FAT2: variants seen among roughly 807,000 people sequenced by gnomAD.
FAT2 encodes the protein protocadherin Fat 2.
Under a neutral mutation model 295.3 loss-of-function variants are expected in FAT2, and 150 were observed. That is an observed-to-expected ratio of 0.51 (90% CI 0.44 to 0.58). The LOEUF (loss-of-function observed/expected upper bound fraction) is 0.58. Among genes scored for constraint, FAT2 ranks in the 20% least tolerant of loss-of-function variants. The pLI is 0.00. For synonymous variants in FAT2, 2,026 were observed against 2,150.3 expected, an observed-to-expected ratio of 0.94 and a Z score of 1.60; for missense variants, 4,868 against 5,442.7, an observed-to-expected ratio of 0.89 and a Z score of 3.32.
intron 6 of FAT2, among the ~76,000 whole-genome samples, chr5:151,552,483 T>C (rs1247181952): frequency 6.6e-6 from 1 of 152,194 alleles, no homozygotes; most frequent in African/African-American, 2.4e-5. Context: ...ATGTGGGTGC[T>C]GAAACTCCTA....
At chr5:151,522,226 A>T in intron 18 of FAT2, 140 bp from the exon 19 acceptor site, 1 of 596,612 alleles carries the variant, frequency 1.7e-6, no homozygotes, top group Non-Finnish European at 2.8e-6. Context: ...TGTTGCATTT[A>T]GAAAAAAAAA....
chr5:151,545,623 G>A lies in FAT2; in HGVS notation c.5504C>T (p.Ser1835Phe), dbSNP rs751103723. 6.2e-7 allele frequency: 1 copy of A among 1,614,164 alleles called. No individual in the cohort carries two copies. The highest frequency in any genetic ancestry group is 1.7e-5 in the Admixed American group (1 of 60,020). ...ATGGACATAGACACAGAATTGGAAA[G>A]AGGGCATGCTCTCATAATCCATCTC... ...VSEMDYESMP[S>F]FQFCVYVHDQ... is the part of the protein sequence containing the mutation. The change falls in exon 10 of 24, where the codon TCT (serine) becomes TTT (phenylalanine). Residue 1835 changes from serine (S) to phenylalanine (F), a missense_variant. Physicochemically the swap from Ser to Phe is radical, Grantham distance 155. Around this residue, in one of 5 missense-constraint regions of FAT2, gnomAD observed 3,297 missense variants for 3,669.4 expected, o/e 0.90. Transcript: ENST00000261800.
At position 151,568,195 on chromosome 5, in the gene FAT2, A is replaced by T; in HGVS notation, c.737T>A (p.Val246Glu). Residue 246 changes from valine to glutamate, a missense_variant, in exon 2 of 24, where the codon GTG becomes GAG. Around this residue, in one of 5 missense-constraint regions of FAT2, gnomAD observed 3,297 missense variants for 3,669.4 expected, o/e 0.90. Coordinates refer to ENST00000261800, the MANE Select transcript of FAT2 (RefSeq NM_001447.3). ...FGSLAALVVHVEPALRKPPAI... is the reference protein window; with the variant it reads ...FGSLAALVVHEEPALRKPPAI... ...TGGGGGCTTCCTGAGGGCAGGCTCC[A>T]CATGAACCACAAGTGCAGCCAGGCT... 6.2e-7 allele frequency: 1 copy of T among 1,614,022 alleles called. No individual in the cohort carries two copies. The highest frequency in any genetic ancestry group is 8.5e-7 in the Non-Finnish European group (1 of 1,179,954).
chr5:151,569,752 ATCTGGTTCTAAACTACTAT>A (rs1330094054), intron 1 of FAT2, among the ~76,000 whole-genome samples: 1 of 152,236 alleles, frequency 6.6e-6, no homozygotes, highest in Non-Finnish European at 1.5e-5. Flanking sequence ...AAGTTTAGCT[ATCTGGTTCTAAACTACTAT>A]TCTCTCTCCT....
intron 11 of FAT2, among the ~76,000 whole-genome samples, chr5:151,538,866 A>G (rs1181085572): frequency 6.9e-6 from 1 of 145,622 alleles, no homozygotes; most frequent in Non-Finnish European, 1.5e-5. Context: ...TTGTATTTTT[A>G]GTAGAGACGG....
At chr5:151,520,316 A>C (rs1278755152) in intron 19 of FAT2, among the ~76,000 whole-genome samples, 1 of 152,254 alleles carries the variant, frequency 6.6e-6, no homozygotes, top group Non-Finnish European at 1.5e-5. Flanking sequence ...GGAGTGCCTG[A>C]GGAGCTTAGT....
chr5:151,592,868 C>T (rs886124880), upstream of FAT2, among the ~76,000 whole-genome samples: 1 of 152,206 alleles, frequency 6.6e-6, no homozygotes. Flanking sequence ...GTTGCTTATA[C>T]AGGAGCAATG....
Position 151,546,080 on chromosome 5 carries a change from A to G in FAT2, c.5047T>C (p.Ser1683Pro), listed in dbSNP as rs763431576. ...IPVGSPILLV[S>P]AMSPSEVTYE... ...GTAACTTCAGAGGGGCTCATAGCAGAGACAAGGAGGATTGGGGAACCAACA... is the reference window on the plus strand; with the variant it reads ...GTAACTTCAGAGGGGCTCATAGCAGGGACAAGGAGGATTGGGGAACCAACA... Residue 1683 changes from serine (S) to proline (P), a missense_variant, in exon 10 of 24, where the codon TCT becomes CCT. This residue lies in a region of FAT2 where 3,297 missense variants were observed against 3,669.4 expected (regional missense o/e 0.90). Coordinates refer to ENST00000261800, the MANE Select transcript of FAT2 (RefSeq NM_001447.3). 35 of 1,614,090 alleles carry G rather than the reference A, an allele frequency of 2.2e-5. No homozygotes were observed. The highest frequency in any genetic ancestry group is 1.5e-4 in the Admixed American group (9 of 60,004).
At chr5:151,589,627 G>A (rs2127666099) in intron 1 of FAT2, among the ~76,000 whole-genome samples, 1 of 152,266 alleles carries the variant, frequency 6.6e-6, no homozygotes, top group Admixed American at 6.5e-5. Flanking sequence ...CAGGTGTGGT[G>A]GCTCATGCCT....
intron 12 of FAT2, among the ~76,000 whole-genome samples, chr5:151,534,923 T>C (rs1755064533): frequency 6.8e-6 from 1 of 147,266 alleles, no homozygotes; most frequent in South Asian, 2.2e-4. Context: ...TTTCTAACAA[T>C]ATATAAAATG....
chr5:151,587,471 A>G (rs886872596), intron 1 of FAT2, among the ~76,000 whole-genome samples: 1 of 151,980 alleles, frequency 6.6e-6, no homozygotes, highest in African/African-American at 2.4e-5. Context: ...TGCATGTGTT[A>G]TTTTCCCTCT....
rs754679115 is a variant in FAT2, at chr5:151,543,261, G to A, written c.7866C>T (p.Tyr2622=). ...ADEGQNADVT[Y]SVNPEDLVKD... ...TAACTAGGTCCTCTGGGTTCACTGA[G>A]TAGGTGACATCTGCGTTCTGACCTT... is the stretch of plus-strand genomic sequence containing the variant. Residue 2622 remains tyrosine (Y), a synonymous_variant, in exon 10 of 24, where the codon TAC becomes TAT. Coordinates refer to ENST00000261800, the MANE Select transcript of FAT2 (RefSeq NM_001447.3). The A allele has an allele frequency of 1.2e-6, 2 of 1,614,084 alleles. No individual in the cohort carries two copies. The highest frequency in any genetic ancestry group is 1.7e-6 in the Non-Finnish European group (2 of 1,180,036).
chr5:151,531,789 G>A lies in FAT2; in HGVS notation c.9609C>T (p.Thr3203=), dbSNP rs766926448. ...CTAGGCCCACCACCGAGACTGTGAC[G>A]GTGCCCAGCGTGGACAGCGGTATTG... The part of the protein sequence containing the change: ...GTPIPLSTLG[T]VTVSVVGLED... Residue 3203 remains threonine (T), a synonymous_variant, in exon 14 of 24, where the codon ACC becomes ACT. Coordinates refer to ENST00000261800, the MANE Select transcript of FAT2 (RefSeq NM_001447.3). This position sits in a 1 kb window ranked among gnomAD's most constrained non-coding sequence, Gnocchi z 5.7. 1.9e-5 allele frequency: 31 copies of A among 1,612,752 alleles called. No individual in the cohort carries two copies. The highest frequency in any genetic ancestry group is 2.4e-5 in the Non-Finnish European group (28 of 1,180,022).
At chr5:151,532,114 T>C (rs1050613373) in intron 13 of FAT2, 144 bp from the exon 14 acceptor site, 16 of 1,041,070 alleles carry the variant, frequency 1.5e-5, no homozygotes, top group Non-Finnish European at 2.2e-5. Flanking sequence ...AGAGTGAGGG[T>C]CTCTCCAGCG....
intron 20 of FAT2, among the ~76,000 whole-genome samples, chr5:151,515,882 C>T (rs1327917813): frequency 1.3e-5 from 2 of 152,162 alleles, no homozygotes. Flanking sequence ...CTGCTCAAAA[C>T]CTTCTAATGC....
chr5:151,550,886 G>A lies in FAT2; in HGVS notation c.4297-15C>T. ...AAGATGTGGACCTAGGGAGGGAGAT[G>A]AGGGAGAAGGTGCACTGCAAGCCCC... On this transcript the variant is annotated splice_polypyrimidine_tract_variant and intron_variant, in intron 7 of 23. Transcript: ENST00000261800. 6.2e-7 allele frequency: 1 copy of A among 1,610,208 alleles called. No homozygotes were observed. The highest frequency in any genetic ancestry group is 8.5e-7 in the Non-Finnish European group (1 of 1,178,608).
intron 10 of FAT2, among the ~76,000 whole-genome samples, 169 bp from the exon 11 acceptor site, chr5:151,540,932 A>G (rs1467458922): frequency 1.3e-5 from 2 of 152,240 alleles, no homozygotes; most frequent in African/African-American, 2.4e-5. Flanking sequence ...TTTTGGTGTT[A>G]TGAAGCTACT....
At position 151,551,598 on chromosome 5, in the gene FAT2, T is replaced by TA; in HGVS notation, c.4164dup (p.Lys1389Ter). The TA allele has an allele frequency of 6.2e-7, 1 of 1,614,146 alleles. No homozygotes were observed. Among genetic ancestry groups the TA allele is most frequent in the Non-Finnish European group, 8.5e-7 (1 of 1,180,006 alleles). ...TTCTCAATGTCAAAGTCCATGTCCTTATCCCCACCTAGAGTGGGAGTGGGG... is the reference window on the plus strand; with the variant it reads ...TTCTCAATGTCAAAGTCCATGTCCTTAATCCCCACCTAGAGTGGGAGTGGGG... On this transcript the variant is annotated frameshift_variant, in exon 7 of 24. Coordinates refer to ENST00000261800, the MANE Select transcript of FAT2 (RefSeq NM_001447.3). LOFTEE classifies it high-confidence loss of function.
chr5:151,546,197 C>T lies in FAT2; in HGVS notation c.4930G>A (p.Ala1644Thr), dbSNP rs776605865. The T allele has an allele frequency of 4.3e-6, 7 of 1,614,004 alleles. No individual in the cohort carries two copies. Among genetic ancestry groups the T allele is most frequent in the Middle Eastern group, 1.6e-4 (1 of 6,084 alleles). Residue 1644 changes from alanine to threonine, a missense_variant, in exon 10 of 24, where the codon GCT (alanine) becomes ACT (threonine). Ala to Thr is a moderately conservative substitution (Grantham distance 58). Transcript: ENST00000261800. The part of the protein sequence containing the change: ...DQGSPQWHDL[A>T]TVIIHVYPSD... ...GGATAGACATGAATGATCACTGTAG[C>T]CAGGTCATGCCATTGTGGGGAGCCT...
Sources: allele counts gnomAD v4.1 joint callset (sites outside exome capture counted in the v4.1 genomes callset), GRCh38; gene constraint gnomAD v4.1.1; regional missense constraint gnomAD v4.1.1; non-coding constraint Gnocchi (gnomAD v3.1); transcripts MANE v1.5; gene names NCBI Gene and HGNC (gene_info 2026-07-23, HGNC 2026-07-21).